COL14A1: variants seen among roughly 807,000 people sequenced by gnomAD.
COL14A1 encodes the protein collagen type XIV alpha 1 chain.
COL14A1 carries 136 observed loss-of-function variants against 230.3 expected under a neutral mutation model. The ratio of observed to expected loss-of-function variants is 0.59; its 90% CI spans 0.51 to 0.68. The LOEUF (loss-of-function observed/expected upper bound fraction) is 0.68. Among genes scored for constraint, COL14A1 ranks in the 30% least tolerant of loss-of-function variants. COL14A1 has a pLI of 0.00. For synonymous variants in COL14A1, 792 were observed against 784.1 expected, an observed-to-expected ratio of 1.01 and a Z score of -0.17; for missense variants, 1,976 against 2,215.8, an observed-to-expected ratio of 0.89 and a Z score of 2.17.
chr8:120,308,925 A>G (rs1261350895), intron 36 of COL14A1, among the ~76,000 whole-genome samples: 1 of 152,162 alleles, frequency 6.6e-6, no homozygotes, highest in Non-Finnish European at 1.5e-5. Flanking sequence ...AGACTTCAAT[A>G]GAAACAGAAT....
At chr8:120,179,804 A>G (rs1490551731) in intron 5 of COL14A1, among the ~76,000 whole-genome samples, 1 of 152,202 alleles carries the variant, frequency 6.6e-6, no homozygotes, top group Non-Finnish European at 1.5e-5. Flanking sequence ...AAACTATACT[A>G]CAAGTCTACA....
chr8:120,255,289 C>T lies in COL14A1; in HGVS notation c.2802C>T (p.Ser934=), dbSNP rs779220741. 1.9e-6 allele frequency: 3 copies of T among 1,614,148 alleles called. No homozygotes were observed. The highest frequency in any genetic ancestry group is 3.3e-5 in the Admixed American group (2 of 60,022). Residue 934 remains serine, a synonymous_variant, in exon 23 of 48, where the codon AGC becomes AGT. Transcript: ENST00000297848. The stretch of plus-strand genomic sequence containing the variant: ...AAGCCAAACATGTTGAAATGACCAG[C>T]TTGTGTGCCCACTGGCAGGTACATC... ...NLQAKHVEMT[S]LCAHWQVHRH...
chr8:120,255,428 AACACAC>A, intron 23 of COL14A1, 72 bp downstream of exon 23: 2 of 1,131,900 alleles, frequency 1.8e-6, no homozygotes, highest in Non-Finnish European at 2.7e-6. Flanking sequence ...CACTGTGTAC[AACACAC>A]AAGTAGCATT....
chr8:120,191,971 C>A (rs992686563), intron 5 of COL14A1, among the ~76,000 whole-genome samples: 9 of 151,668 alleles, frequency 5.9e-5, no homozygotes, highest in African/African-American at 1.9e-4. Context: ...CTGAATACAG[C>A]ACACTGATGG....
At position 120,219,021 on chromosome 8, in the gene COL14A1, T is replaced by C. The variant is rs889846364; in HGVS notation, c.1737+2531T>C. The stretch of plus-strand genomic sequence containing the variant: ...AAAACAAAAAACAAATTTTCTTATA[T>C]ATCAGTTATATTTATAAATATAATT... On this transcript the variant is annotated intron_variant, in intron 14 of 47. Transcript: ENST00000297848. 4.6e-5 allele frequency among the ~76,000 whole-genome samples: 7 copies of C among 151,036 alleles called. No homozygotes were observed. In the East Asian group the frequency reaches 1.4e-3, roughly 29 times the overall value.
intron 25 of COL14A1, among the ~76,000 whole-genome samples, chr8:120,267,845 G>A (rs1158086761): frequency 1.3e-5 from 2 of 151,832 alleles, no homozygotes; most frequent in South Asian, 2.1e-4. Flanking sequence ...TGAAATCTAT[G>A]TTTAAGAATG....
intron 2 of COL14A1, among the ~76,000 whole-genome samples, chr8:120,151,724 C>A (rs1359407998): frequency 6.7e-6 from 1 of 149,032 alleles, no homozygotes; most frequent in African/African-American, 2.5e-5. Flanking sequence ...ATCTTCAGAA[C>A]TAGTGAATAT....
intron 5 of COL14A1, among the ~76,000 whole-genome samples, chr8:120,187,819 C>T (rs1816694168): frequency 6.6e-6 from 1 of 152,180 alleles, no homozygotes; most frequent in African/African-American, 2.4e-5. Flanking sequence ...ACAAGCTTTT[C>T]CCCCTTAATT....
intron 1 of COL14A1, among the ~76,000 whole-genome samples, chr8:120,134,558 CTT>C (rs1486319250): frequency 1.3e-5 from 2 of 151,716 alleles, no homozygotes; most frequent in Non-Finnish European, 2.9e-5. Flanking sequence ...GAGAAAGAGA[CTT>C]ATATGCATGT....
intron 40 of COL14A1, among the ~76,000 whole-genome samples, chr8:120,326,448 A>G (rs2130179402): frequency 6.6e-6 from 1 of 152,332 alleles, no homozygotes; most frequent in African/African-American, 2.4e-5. Context: ...TAGTACCTGT[A>G]CAGGTATTTC....
At chr8:120,170,165 T>C (rs1816050378) in intron 5 of COL14A1, among the ~76,000 whole-genome samples, 1 of 151,840 alleles carries the variant, frequency 6.6e-6, no homozygotes, top group African/African-American at 2.4e-5. Context: ...TTTTTATAGC[T>C]CCTCTTGATA....
intron 5 of COL14A1, among the ~76,000 whole-genome samples, chr8:120,193,097 G>T (rs551628889): frequency 6.6e-6 from 1 of 152,172 alleles, no homozygotes; most frequent in South Asian, 2.1e-4. Flanking sequence ...GAGGAACTGC[G>T]TTCCTTTGGA....
chr8:120,144,155 TAGG>T (rs1325154100), intron 1 of COL14A1, among the ~76,000 whole-genome samples: 1 of 151,912 alleles, frequency 6.6e-6, no homozygotes, highest in Non-Finnish European at 1.5e-5. Context: ...ATTAGTTTCT[TAGG>T]AGTTGGACAG....
intron 47 of COL14A1, chr8:120,370,291 A>G (rs757169000): frequency 1.3e-6 from 2 of 1,587,762 alleles, no homozygotes; most frequent in Non-Finnish European, 1.7e-6. Flanking sequence ...TTCTCTGTTC[A>G]TCTTTTCCCT....
intron 2 of COL14A1, among the ~76,000 whole-genome samples, chr8:120,156,315 G>A (rs866862533): frequency 2.0e-5 from 3 of 151,988 alleles, no homozygotes; most frequent in Admixed American, 6.6e-5. Flanking sequence ...GACTACAGGC[G>A]TGTGCCACCA....
chr8:120,218,016 T>C (rs1817809528), intron 14 of COL14A1, among the ~76,000 whole-genome samples: 1 of 142,820 alleles, frequency 7.0e-6, no homozygotes, highest in Non-Finnish European at 1.5e-5. Context: ...ATTTAAATTA[T>C]ATATTATAAA....
chr8:120,250,655 A>G lies in COL14A1; in HGVS notation c.2641A>G (p.Ile881Val), dbSNP rs1245221537. The G allele has an allele frequency of 8.7e-6, 14 of 1,614,122 alleles. No individual in the cohort carries two copies. The highest frequency in any genetic ancestry group is 3.3e-4 in the Middle Eastern group (2 of 6,084). Reference sequence around the variant, plus strand: ...ACTGGAAACGTTTGTGGGAGCTGACATTAACACCATCCTTATCACAAACCT... The same window carrying G: ...ACTGGAAACGTTTGTGGGAGCTGACGTTAACACCATCCTTATCACAAACCT... ...PTLETFVGAD[I>V]NTILITNLLS... The change falls in exon 22 of 48, where the codon ATT becomes GTT. Residue 881 changes from isoleucine (I) to valine (V), a missense_variant. Physicochemically the swap from Ile to Val is conservative, Grantham distance 29. Transcript: ENST00000297848.
intron 5 of COL14A1, among the ~76,000 whole-genome samples, chr8:120,172,803 T>C (rs555917443): frequency 6.6e-6 from 1 of 152,316 alleles, no homozygotes; most frequent in East Asian, 1.9e-4. Flanking sequence ...GGTGCCTCCC[T>C]TACATAAGAA....
In COL14A1 at chr8:120,241,091, A is replaced by T. The variant is rs187061466; in HGVS notation, c.2350-2788A>T. On this transcript the variant is annotated intron_variant, in intron 19 of 47. Transcript: ENST00000297848. ...GTTGCAAGAATACGTCTAGAGTAAGAATACTCAAAGTGTGACTCAGTCTCC... is the reference window on the plus strand; with the variant it reads ...GTTGCAAGAATACGTCTAGAGTAAGTATACTCAAAGTGTGACTCAGTCTCC... Among the ~76,000 whole-genome samples, 299 of 152,368 alleles carry T rather than the reference A, an allele frequency of 2.0e-3. 7 individuals are homozygous for T. The highest frequency in any genetic ancestry group is 0.018 in the Admixed American group (270 of 15,296).
Sources: gnomAD v4.1 joint callset for allele counts (sites outside exome capture counted in the v4.1 genomes callset) on GRCh38, gnomAD v4.1.1 for gene constraint, MANE v1.5 for transcripts, NCBI Gene and HGNC (gene_info 2026-07-23, HGNC 2026-07-21) for gene names.